The following CEACAM5 variants were observed in gnomAD, a reference collection of about 807,000 sequenced individuals.
CEACAM5 encodes the protein CEA cell adhesion molecule 5.
CEACAM5 carries 52 observed loss-of-function variants against 63.0 expected under a neutral mutation model. The ratio of observed to expected loss-of-function variants is 0.83; its 90% CI spans 0.66 to 1.04. CEACAM5 has a LOEUF of 1.04. Among genes scored for constraint, CEACAM5 ranks in the 50% least tolerant of loss-of-function variants. The pLI is 0.00. For missense variants in CEACAM5, 790 were observed against 864.8 expected (o/e 0.91, Z 1.08); for synonymous variants, 357 against 351.3 (o/e 1.02, Z -0.18).
intron 8 of CEACAM5, among the ~76,000 whole-genome samples, chr19:41,726,496 C>T (rs2072701531): frequency 6.6e-6 from 1 of 152,094 alleles, no homozygotes; most frequent in South Asian, 2.1e-4. Flanking sequence ...AAGAATCAAG[C>T]CTGGTATGTT....
chr19:41,712,179 A>G (rs906099816), intron 2 of CEACAM5, among the ~76,000 whole-genome samples: 2 of 152,102 alleles, frequency 1.3e-5, no homozygotes, highest in Non-Finnish European at 2.9e-5. Flanking sequence ...TACCCACTCC[A>G]TCTTCATCCT....
At chr19:41,728,184 T>G (rs1384678557) in intron 9 of CEACAM5, among the ~76,000 whole-genome samples, 1 of 152,206 alleles carries the variant, frequency 6.6e-6, no homozygotes, top group African/African-American at 2.4e-5. Flanking sequence ...AGGTCCTTAA[T>G]TCTATAACAG....
chr19:41,727,285 T>C lies in CEACAM5; in HGVS notation c.2078T>C (p.Ile693Thr), dbSNP rs782305548. Residue 693 changes from isoleucine (I) to threonine (T), a missense_variant, in exon 9 of 10, where the codon ATT becomes ACT. Transcript: ENST00000221992. The stretch of plus-strand genomic sequence containing the variant: ...GCTGGGGCCACTGTCGGCATCATGA[T>C]TGGAGTGCTGGTTGGGGTTGCTCTG... The part of the protein sequence containing the change: ...LSAGATVGIM[I>T]GVLVGVALI 2 of 1,614,076 alleles carry C rather than the reference T, an allele frequency of 1.2e-6. No individual in the cohort carries two copies. The highest frequency in any genetic ancestry group is 1.7e-6 in the Non-Finnish European group (2 of 1,179,932).
Position 41,730,162 on chromosome 19 carries a change from T to C in CEACAM5, c.*1015T>C, listed in dbSNP as rs1247740250. On this transcript the variant is annotated 3_prime_UTR_variant, in exon 10 of 10. Transcript: ENST00000221992. ...TGGGCCGGGCGCGGTGGCTCACGCC[T>C]GTAATCCCAGCACTTTGATCCGCCG... 6.6e-6 allele frequency among the ~76,000 whole-genome samples: 1 copy of C among 152,318 alleles called. No homozygotes were observed. Among genetic ancestry groups the C allele is most frequent in the African/African-American group, 2.4e-5 (1 of 41,576 alleles).
intron 8 of CEACAM5, among the ~76,000 whole-genome samples, chr19:41,723,775 G>A (rs554363813): frequency 1.6e-4 from 25 of 151,644 alleles, no homozygotes; most frequent in Admixed American, 1.1e-3. Context: ...GTGAAACCCC[G>A]TCTCTACTAA....
Position 41,717,626 on chromosome 19 carries a change from C to A in CEACAM5, c.1130C>A (p.Thr377Asn), listed in dbSNP as rs199819373. ...PRLQLSNDNR[T>N]LTLLSVTRND... is the part of the protein sequence containing the mutation. Reference sequence around the variant, plus strand: ...CTGCAGCTGTCCAATGACAACAGGACCCTCACTCTACTCAGTGTCACAAGG... The same window carrying A: ...CTGCAGCTGTCCAATGACAACAGGAACCTCACTCTACTCAGTGTCACAAGG... Residue 377 changes from threonine to asparagine, a missense_variant, in exon 5 of 10, where the codon ACC becomes AAC. Transcript: ENST00000221992. The A allele has an allele frequency of 2.4e-5, 39 of 1,614,094 alleles. No individual in the cohort carries two copies. Among genetic ancestry groups the A allele is most frequent in the Non-Finnish European group, 3.3e-5 (39 of 1,180,048 alleles).
At chr19:41,724,943 CT>C (rs1201973708) in intron 8 of CEACAM5, among the ~76,000 whole-genome samples, 2 of 151,620 alleles carry the variant, frequency 1.3e-5, no homozygotes, top group African/African-American at 4.8e-5. Context: ...ATTTGGATGT[CT>C]TTTTTTTTCT....
chr19:41,729,152 CTG>C (rs782809223), intron 9 of CEACAM5, 30 bp from the exon 10 acceptor site: 2 of 152,100 alleles, frequency 1.3e-5, no homozygotes, highest in Non-Finnish European at 2.9e-5. Context: ...AGATTTTTAA[CTG>C]TACTCATTTT....
In CEACAM5 at chr19:41,727,255, T is replaced by A; in HGVS notation, c.2048T>A (p.Leu683His). 6.2e-7 allele frequency: 1 copy of A among 1,614,070 alleles called. No individual in the cohort carries two copies. The highest frequency in any genetic ancestry group is 8.5e-7 in the Non-Finnish European group (1 of 1,179,892). ...TVSASGTSPG[L>H]SAGATVGIMI... ...TCAGCATCTGGAACTTCTCCTGGTC[T>A]CTCAGCTGGGGCCACTGTCGGCATC... The change falls in exon 9 of 10, where the codon CTC becomes CAC. Residue 683 changes from leucine to histidine, a missense_variant. Leu to His is a moderately conservative substitution (Grantham distance 99, BLOSUM62 -3). Coordinates refer to ENST00000221992, the MANE Select transcript of CEACAM5 (RefSeq NM_004363.6).
In CEACAM5 at chr19:41,720,179, G is replaced by T; in HGVS notation, c.1742G>T (p.Arg581Leu). The change falls in exon 7 of 10, where the codon CGC becomes CTC. Residue 581 changes from arginine (R) to leucine (L), a missense_variant. Arg to Leu is a moderately radical substitution (Grantham distance 102). Coordinates refer to ENST00000221992, the MANE Select transcript of CEACAM5 (RefSeq NM_004363.6). ...CGIQNSVSAN[R>L]SDPVTLDVLY... Reference sequence around the variant, plus strand: ...ATCCAGAACTCAGTGAGTGCAAACCGCAGTGACCCAGTCACCCTGGATGTC... The same window carrying T: ...ATCCAGAACTCAGTGAGTGCAAACCTCAGTGACCCAGTCACCCTGGATGTC... The T allele has an allele frequency of 6.2e-7, 1 of 1,614,192 alleles. No homozygotes were observed. Among genetic ancestry groups the T allele is most frequent in the Non-Finnish European group, 8.5e-7 (1 of 1,179,988 alleles).
Position 41,717,482 on chromosome 19 carries a change from G to A in CEACAM5, c.986G>A (p.Ser329Asn). The A allele has an allele frequency of 6.2e-7, 1 of 1,614,066 alleles. No individual in the cohort carries two copies. Among genetic ancestry groups the A allele is most frequent in the Non-Finnish European group, 8.5e-7 (1 of 1,179,950 alleles). The change falls in exon 5 of 10, where the codon AGC (serine) becomes AAC (asparagine). Residue 329 changes from serine to asparagine, a missense_variant. Transcript: ENST00000221992. Reference sequence around the variant, plus strand: ...GAGCCACCCAAACCCTTCATCACCAGCAACAACTCCAACCCCGTGGAGGAT... The same window carrying A: ...GAGCCACCCAAACCCTTCATCACCAACAACAACTCCAACCCCGTGGAGGAT... ...YAEPPKPFIT[S>N]NNSNPVEDED...
intron 2 of CEACAM5, among the ~76,000 whole-genome samples, chr19:41,712,041 G>A (rs781867063): frequency 2.0e-5 from 3 of 152,200 alleles, no homozygotes; most frequent in African/African-American, 7.2e-5. Context: ...GCCAACACAC[G>A]GAACAGGCAG....
Position 41,709,791 on chromosome 19 carries a change from C to T in CEACAM5, c.176C>T (p.Pro59Leu). 6.2e-7 allele frequency: 1 copy of T among 1,614,082 alleles called. No homozygotes were observed. Among genetic ancestry groups the T allele is most frequent in the East Asian group, 2.2e-5 (1 of 44,878 alleles). ...KEVLLLVHNLPQHLFGYSWYK... is the reference protein window; with the variant it reads ...KEVLLLVHNLLQHLFGYSWYK... Reference sequence around the variant, plus strand: ...GTGCTTCTACTTGTCCACAATCTGCCCCAGCATCTTTTTGGCTACAGCTGG... The same window carrying T: ...GTGCTTCTACTTGTCCACAATCTGCTCCAGCATCTTTTTGGCTACAGCTGG... The change falls in exon 2 of 10, where the codon CCC becomes CTC. Residue 59 changes from proline to leucine, a missense_variant. Transcript: ENST00000221992.
intron 8 of CEACAM5, among the ~76,000 whole-genome samples, chr19:41,723,024 C>T (rs1410685347): frequency 3.9e-5 from 6 of 152,146 alleles, no homozygotes; most frequent in African/African-American, 1.4e-4. Flanking sequence ...TCTCCTGCCT[C>T]AGCCTCCCGA....
chr19:41,728,417 G>A (rs782270474), intron 9 of CEACAM5, among the ~76,000 whole-genome samples: 37 of 152,210 alleles, frequency 2.4e-4, no homozygotes, highest in Non-Finnish European at 4.7e-4. Flanking sequence ...CTAATGTGTA[G>A]CCAGGATGGA....
At chr19:41,726,848 T>G (rs940215222) in intron 8 of CEACAM5, among the ~76,000 whole-genome samples, 2 of 152,202 alleles carry the variant, frequency 1.3e-5, no homozygotes, top group African/African-American at 4.8e-5. Flanking sequence ...TGCACTAGCC[T>G]GGGCCTTCTG....
chr19:41,718,012 G>T (rs2072555434), intron 5 of CEACAM5, 116 bp from the exon 6 acceptor site: 4 of 1,300,034 alleles, frequency 3.1e-6, no homozygotes, highest in Admixed American at 2.0e-5. Flanking sequence ...TAGGGGTTTG[G>T]TTAGGACTTC....
rs114526543 is a variant in CEACAM5 at position 41,728,167 on chromosome 19, G to T, written c.*36+815G>T. On this transcript the variant is annotated intron_variant, in intron 9 of 9. Coordinates refer to ENST00000221992, the MANE Select transcript of CEACAM5 (RefSeq NM_004363.6). ...TGTTCATAACAGATACAGAAATGAA[G>T]AAGGCAAGGTCCTTAATTCTATAAC... is the stretch of plus-strand genomic sequence containing the variant. Among the ~76,000 whole-genome samples, 408 of 152,312 alleles carry T rather than the reference G, an allele frequency of 2.7e-3. 3 individuals are homozygous for T. The highest frequency in any genetic ancestry group is 9.3e-3 in the African/African-American group (386 of 41,574).
At position 41,729,955 on chromosome 19, in the gene CEACAM5, A is replaced by G. The variant is rs2072748882; in HGVS notation, c.*808A>G. On this transcript the variant is annotated 3_prime_UTR_variant, in exon 10 of 10. Coordinates refer to ENST00000221992, the MANE Select transcript of CEACAM5 (RefSeq NM_004363.6). ...ATTTGAAAACATTGGTTATATTACCAAGACTTTGACTAGAATGTCGTATTT... is the reference window on the plus strand; with the variant it reads ...ATTTGAAAACATTGGTTATATTACCGAGACTTTGACTAGAATGTCGTATTT... 6.6e-6 allele frequency among the ~76,000 whole-genome samples: 1 copy of G among 152,222 alleles called. No individual in the cohort carries two copies. The highest frequency in any genetic ancestry group is 2.4e-5 in the African/African-American group (1 of 41,444).
Sources: gnomAD v4.1 joint callset for allele counts (sites outside exome capture counted in the v4.1 genomes callset) on GRCh38, gnomAD v4.1.1 for gene constraint, MANE v1.5 for transcripts, NCBI Gene and HGNC (gene_info 2026-07-23, HGNC 2026-07-21) for gene names.